The following RPS6KC1 variants were observed in gnomAD, a reference collection of about 807,000 sequenced individuals.
RPS6KC1 encodes ribosomal protein S6 kinase C1.
Under a neutral mutation model 103.8 loss-of-function variants are expected in RPS6KC1, and 54 were observed. The ratio of observed to expected loss-of-function variants is 0.52; its 90% confidence interval spans 0.42 to 0.65. RPS6KC1 has a LOEUF of 0.65. RPS6KC1 is among the 30% of genes least tolerant of loss of function. RPS6KC1 has a pLI of 0.00. For synonymous variants in RPS6KC1, 439 were observed against 438.7 expected (o/e 1.00, Z -0.01); for missense variants, 1,151 against 1,253.8 (o/e 0.92, Z 1.24).
At chr1:213,322,655 G>C in the RPS6KC1 span, among the ~76,000 whole-genome samples, 1 of 152,198 alleles carries the variant, frequency 6.6e-6, no homozygotes, top group Admixed American at 6.5e-5. Context: ...CTCTAGAGGA[G>C]AGTCCATTTT....
At chr1:213,194,730 T>A (rs906243722) in intron 8 of RPS6KC1, among the ~76,000 whole-genome samples, 1 of 152,228 alleles carries the variant, frequency 6.6e-6, no homozygotes, top group Non-Finnish European at 1.5e-5. Flanking sequence ...TGCGTGCTGC[T>A]TATGAGACTC....
chr1:213,274,632 G>A lies in RPS6KC1; in HGVS notation c.*1998G>A, dbSNP rs1208942023. 1 of 151,882 alleles carries A rather than the reference G, an allele frequency of 6.6e-6. No individual in the cohort carries two copies. Among genetic ancestry groups the A allele is most frequent in the African/African-American group, 2.4e-5 (1 of 41,326 alleles). The allele number at this position is 151,882 out of a possible 1,614,324, so 9.4% of individuals were successfully genotyped here. A position where few individuals can be genotyped will look rare whatever the true frequency, so the allele number is the denominator to read the frequency against. ...GCTTTGGGGTGATGAACCAGAGTCT[G>A]TTTTTATTTTATGGTGTGTACATAT... On this transcript the variant is annotated 3_prime_UTR_variant, in exon 15 of 15. Coordinates refer to ENST00000366960, the MANE Select transcript of RPS6KC1 (RefSeq NM_012424.6).
chr1:213,622,117 A>C, the RPS6KC1 span, among the ~76,000 whole-genome samples: 2 of 152,064 alleles, frequency 1.3e-5, no homozygotes, highest in African/African-American at 4.8e-5. Context: ...ACTGAGGTGT[A>C]CCTGACGAAA....
the RPS6KC1 span, among the ~76,000 whole-genome samples, chr1:213,281,549 T>C: frequency 6.6e-6 from 1 of 152,196 alleles, no homozygotes; most frequent in African/African-American, 2.4e-5. Context: ...ATCATACCTT[T>C]CCTGATTATA....
the RPS6KC1 span, among the ~76,000 whole-genome samples, chr1:213,517,183 T>A: frequency 2.9e-5 from 3 of 102,892 alleles, no homozygotes; most frequent in East Asian, 1.2e-3. Flanking sequence ...AACCAGCTCC[T>A]GGATTCATTG....
chr1:213,515,287 G>C, the RPS6KC1 span, among the ~76,000 whole-genome samples: 3 of 152,182 alleles, frequency 2.0e-5, no homozygotes. Context: ...TGGTGTTTTA[G>C]ACATGAAGTC....
the RPS6KC1 span, among the ~76,000 whole-genome samples, chr1:213,447,933 T>C: frequency 6.6e-6 from 1 of 152,114 alleles, no homozygotes; most frequent in Admixed American, 6.5e-5. Flanking sequence ...TTGTATTGTA[T>C]TTTTGAAATT....
chr1:213,098,310 T>A (rs942276817), intron 3 of RPS6KC1, among the ~76,000 whole-genome samples: 4 of 151,218 alleles, frequency 2.6e-5, no homozygotes, highest in Non-Finnish European at 5.9e-5. Context: ...CTAATTTTTT[T>A]TTTTTTTTTT....
the RPS6KC1 span, among the ~76,000 whole-genome samples, chr1:213,500,209 A>G: frequency 8.9e-4 from 135 of 152,282 alleles, no homozygotes; most frequent in African/African-American, 3.1e-3. Flanking sequence ...GCTTTTTCCT[A>G]TTTATTAACT....
chr1:213,490,804 C>G, the RPS6KC1 span, among the ~76,000 whole-genome samples: 1 of 152,146 alleles, frequency 6.6e-6, no homozygotes, highest in Non-Finnish European at 1.5e-5. Flanking sequence ...TTGCCTTTGT[C>G]TTTGGGATTG....
chr1:213,749,532 C>A, the RPS6KC1 span, among the ~76,000 whole-genome samples: 2 of 152,174 alleles, frequency 1.3e-5, no homozygotes, highest in African/African-American at 4.8e-5. Flanking sequence ...TACCTACTTT[C>A]CAGTTTTTCT....
chr1:213,744,644 C>A, the RPS6KC1 span, among the ~76,000 whole-genome samples: 1 of 152,176 alleles, frequency 6.6e-6, no homozygotes, highest in Non-Finnish European at 1.5e-5. Context: ...CTTGCCAGCC[C>A]TAATACCCCC....
At chr1:213,234,286 CA>C (rs1238744733) in intron 10 of RPS6KC1, among the ~76,000 whole-genome samples, 1 of 152,034 alleles carries the variant, frequency 6.6e-6, no homozygotes, top group Non-Finnish European at 1.5e-5. Flanking sequence ...GCTGGGATTG[CA>C]GGGGTGAGCC....
chr1:213,204,048 T>G lies in RPS6KC1; in HGVS notation c.1045-26449T>G, dbSNP rs900097911. ...GGTCCATGTCTGAATTAGACACCCC[T>G]CTTCTTTGTTCCAGTTGCACCTGTA... On this transcript the variant is annotated intron_variant, in intron 8 of 14. Transcript: ENST00000366960. Among the ~76,000 whole-genome samples the G allele has an allele frequency of 2.6e-5, 4 of 152,218 alleles. No homozygotes were observed. The East Asian group carries it at 7.7e-4, about 29-fold the overall frequency.
chr1:213,696,877 T>G, the RPS6KC1 span, among the ~76,000 whole-genome samples: 1 of 152,150 alleles, frequency 6.6e-6, no homozygotes, highest in African/African-American at 2.4e-5. Flanking sequence ...TTCAAGTGAC[T>G]CTGTCTACCT....
At chr1:213,321,043 C>G in the RPS6KC1 span, among the ~76,000 whole-genome samples, 1 of 152,134 alleles carries the variant, frequency 6.6e-6, no homozygotes, top group Non-Finnish European at 1.5e-5. Context: ...GTGAGGTTTT[C>G]TACACTTCTC....
chr1:213,823,655 C>A, the RPS6KC1 span, among the ~76,000 whole-genome samples: 1 of 151,768 alleles, frequency 6.6e-6, no homozygotes, highest in Non-Finnish European at 1.5e-5. Context: ...TTTCCATTTT[C>A]TCCAGCCAAA....
At chr1:213,750,233 C>A in the RPS6KC1 span, among the ~76,000 whole-genome samples, 1 of 152,212 alleles carries the variant, frequency 6.6e-6, no homozygotes, top group Non-Finnish European at 1.5e-5. Context: ...GGTAGGCTTT[C>A]CAGCCCCTGA....
chr1:213,820,463 CA>C, the RPS6KC1 span: 1 of 152,150 alleles, frequency 6.6e-6, no homozygotes, highest in African/African-American at 2.4e-5. Context: ...TTGAATTTGG[CA>C]AAAAGCCCAG....
Sources: gnomAD v4.1 joint callset for allele counts (sites outside exome capture counted in the v4.1 genomes callset) on GRCh38, gnomAD v4.1.1 for gene constraint, MANE v1.5 for transcripts, NCBI Gene and HGNC (gene_info 2026-07-23, HGNC 2026-07-21) for gene names.